The following MALRD1 variants were observed in gnomAD, a reference collection of about 807,000 sequenced individuals.
MALRD1 encodes the protein MAM and LDL-receptor class A domain-containing protein 1.
MALRD1 carries 247 observed loss-of-function variants against 242.1 expected under a neutral mutation model. The observed-to-expected ratio is 1.02, with a 90% CI of 0.92 to 1.13. The LOEUF (loss-of-function observed/expected upper bound fraction) is 1.13, where lower values mean the gene tolerates loss of function less well. MALRD1 is among the 50% of genes most tolerant of loss of function. The pLI, the probability that MALRD1 is intolerant of heterozygous loss-of-function variation, is 0.00. For missense variants in MALRD1, 2,989 were observed against 2,533.1 expected (o/e 1.18, Z -3.86); for synonymous variants, 995 against 866.6 (o/e 1.15, Z -2.60).
In MALRD1 at chr10:19,066,698, AC is replaced by A; in HGVS notation, c.200-20del. On this transcript the variant is annotated intron_variant, in intron 1 of 39. Transcript: ENST00000454679. ...AAGCTAAACACAGTTGTGAAAACCA[AC>A]TTTTCTTCTTTCTCATTAGGTTTGA... The A allele has an allele frequency of 8.1e-7, 1 of 1,233,530 alleles. No individual in the cohort carries two copies. Among genetic ancestry groups the A allele is most frequent in the East Asian group, 3.2e-5 (1 of 31,668 alleles). The allele number at this position is 1,233,530 out of a possible 1,614,324, so 76.4% of individuals were successfully genotyped here. A position where few individuals can be genotyped will look rare whatever the true frequency, so the allele number is the denominator to read the frequency against.
At chr10:19,593,649 TC>T (rs1837930577) in intron 33 of MALRD1, among the ~76,000 whole-genome samples, 3 of 152,322 alleles carry the variant, frequency 2.0e-5, no homozygotes, top group African/African-American at 7.2e-5. Context: ...ACCAATTAGT[TC>T]CGTTCTATAT....
At chr10:19,567,732 A>G in intron 33 of MALRD1, 29 bp downstream of exon 33, 1 of 1,532,640 alleles carries the variant, frequency 6.5e-7, no homozygotes, top group Non-Finnish European at 8.8e-7. Flanking sequence ...AAATGGGAAT[A>G]AGTATTTGTT....
intron 18 of MALRD1, among the ~76,000 whole-genome samples, chr10:19,237,352 T>A (rs1838366535): frequency 6.6e-6 from 1 of 150,850 alleles, no homozygotes; most frequent in African/African-American, 2.4e-5. Context: ...TTAACATTTT[T>A]TTTTTAAGAT....
chr10:19,394,855 C>T (rs1846510809), intron 28 of MALRD1, among the ~76,000 whole-genome samples: 1 of 151,968 alleles, frequency 6.6e-6, no homozygotes, highest in Non-Finnish European at 1.5e-5. Flanking sequence ...AGTAATCAGA[C>T]AGGTTTTCAA....
At chr10:19,221,896 AAG>A (rs142591336) in intron 18 of MALRD1, among the ~76,000 whole-genome samples, 9,915 of 152,168 alleles carry the variant, frequency 0.065, 430 homozygotes, top group Middle Eastern at 0.1. Context: ...AAGAAGGAAA[AAG>A]AGCGGAGAGA....
intron 29 of MALRD1, among the ~76,000 whole-genome samples, chr10:19,462,037 T>C (rs1835971051): frequency 6.6e-6 from 1 of 152,256 alleles, no homozygotes; most frequent in Non-Finnish European, 1.5e-5. Flanking sequence ...GACGGCAGGA[T>C]ACATTAGACA....
At chr10:19,129,950 A>C (rs966980507) in intron 8 of MALRD1, among the ~76,000 whole-genome samples, 8 of 150,576 alleles carry the variant, frequency 5.3e-5, no homozygotes, top group African/African-American at 1.9e-4. Context: ...ATATATATAT[A>C]TCTCTATCTC....
chr10:19,162,837 T>C (rs1428463888), intron 12 of MALRD1, among the ~76,000 whole-genome samples: 1 of 151,836 alleles, frequency 6.6e-6, no homozygotes, highest in Non-Finnish European at 1.5e-5. Flanking sequence ...GTACTAGAAA[T>C]TTTTCTACTA....
intron 28 of MALRD1, among the ~76,000 whole-genome samples, chr10:19,397,447 A>G (rs955287884): frequency 1.3e-5 from 2 of 152,198 alleles, no homozygotes; most frequent in East Asian, 3.8e-4. Context: ...GTAATATTCC[A>G]TTGTGTATAT....
At chr10:19,345,802 T>G (rs1434794345) in intron 24 of MALRD1, among the ~76,000 whole-genome samples, 2 of 152,068 alleles carry the variant, frequency 1.3e-5, no homozygotes, top group African/African-American at 4.8e-5. Context: ...AAATGATTAT[T>G]TTAAGCCCTT....
At chr10:19,234,839 G>A (rs1838237224) in intron 18 of MALRD1, among the ~76,000 whole-genome samples, 3 of 152,154 alleles carry the variant, frequency 2.0e-5, no homozygotes, top group South Asian at 2.1e-4. Context: ...AAAGGGGATG[G>A]CATCTGACTC....
intron 36 of MALRD1, among the ~76,000 whole-genome samples, chr10:19,624,911 T>C (rs1839578535): frequency 6.7e-6 from 1 of 150,004 alleles, no homozygotes; most frequent in Non-Finnish European, 1.5e-5. Context: ...ATCGGGAACA[T>C]TTAGATGAGG....
intron 38 of MALRD1, among the ~76,000 whole-genome samples, chr10:19,729,897 C>G (rs563836940): frequency 6.6e-6 from 1 of 151,382 alleles, no homozygotes; most frequent in African/African-American, 2.4e-5. Context: ...CCACCACGCC[C>G]GGCTAATTTT....
At chr10:19,506,813 T>C (rs908427663) in intron 31 of MALRD1, among the ~76,000 whole-genome samples, 14 of 152,106 alleles carry the variant, frequency 9.2e-5, no homozygotes, top group Admixed American at 1.3e-4. Context: ...TTCTGTAGTA[T>C]TGAAAATGTG....
intron 28 of MALRD1, among the ~76,000 whole-genome samples, chr10:19,425,291 G>T (rs1307561253): frequency 1.3e-5 from 2 of 152,200 alleles, no homozygotes; most frequent in East Asian, 3.9e-4. Flanking sequence ...CCTTAGTTTG[G>T]TCTTAATGTA....
intron 24 of MALRD1, among the ~76,000 whole-genome samples, chr10:19,333,281 GCCCTTTT>G (rs1299444530): frequency 2.0e-5 from 3 of 152,084 alleles, no homozygotes; most frequent in Non-Finnish European, 4.4e-5. Context: ...TAGATTTTTA[GCCCTTTT>G]CCTCCTCTCC....
At chr10:19,624,524 A>G (rs1274295525) in intron 36 of MALRD1, among the ~76,000 whole-genome samples, 2 of 152,126 alleles carry the variant, frequency 1.3e-5, no homozygotes, top group African/African-American at 4.8e-5. Flanking sequence ...TGGTCATGAC[A>G]TAAACCTGTG....
chr10:19,306,622 T>G (rs1185693258), intron 21 of MALRD1, among the ~76,000 whole-genome samples: 1 of 150,466 alleles, frequency 6.6e-6, no homozygotes, highest in Non-Finnish European at 1.5e-5. Context: ...TATATGTACT[T>G]AAATGAAGGT....
chr10:19,448,573 G>A (rs186184335), intron 28 of MALRD1, among the ~76,000 whole-genome samples: 1 of 152,164 alleles, frequency 6.6e-6, no homozygotes, highest in Admixed American at 6.5e-5. Context: ...TTAATATGCT[G>A]TTTTAATGAA....
Sources: gnomAD v4.1 joint callset for allele counts (sites outside exome capture counted in the v4.1 genomes callset) on GRCh38, gnomAD v4.1.1 for gene constraint, MANE v1.5 for transcripts, NCBI Gene and HGNC (gene_info 2026-07-23, HGNC 2026-07-21) for gene names.